Variants in PIK3R6 observed in about 807,000 individuals in gnomAD.
The protein encoded by PIK3R6 is phosphoinositide-3-kinase regulatory subunit 6.
Under a neutral mutation model 84.9 loss-of-function variants are expected in PIK3R6, and 91 were observed. The observed-to-expected ratio is 1.07, with a 90% CI of 0.90 to 1.28. The LOEUF (loss-of-function observed/expected upper bound fraction) is 1.28. Among genes scored for constraint, PIK3R6 ranks in the 50% most tolerant of loss-of-function variants. PIK3R6 has a pLI of 0.00. For missense variants in PIK3R6, 996 were observed against 985.1 expected (o/e 1.01, Z -0.15); for synonymous variants, 416 against 411.4 (o/e 1.01, Z -0.13).
chr17:8,834,265 T>C (rs531756219), intron 8 of PIK3R6, among the ~76,000 whole-genome samples: 10 of 151,130 alleles, frequency 6.6e-5, no homozygotes, highest in Middle Eastern at 3.5e-3. Flanking sequence ...ATGTTAGGCA[T>C]GTGCATGTTG....
intron 10 of PIK3R6, among the ~76,000 whole-genome samples, chr17:8,829,437 C>A (rs945770046): frequency 6.7e-6 from 1 of 148,624 alleles, no homozygotes; most frequent in African/African-American, 2.6e-5. Context: ...CTCATGGATA[C>A]ACACACTGAC....
rs781087968 is a variant in PIK3R6, at chr17:8,823,464, G to C, written c.1549C>G (p.Pro517Ala). ...TAGGTGATGACGTCTAGGATGAAGG[G>C]GTCCACAGTCCGGGATGTGTCCAGG... The part of the protein sequence containing the change: ...PSLDTSRTVD[P>A]FILDVITYYI... The change falls in exon 14 of 20, where the codon CCC becomes GCC. Residue 517 changes from proline to alanine, a missense_variant. Pro to Ala is a conservative substitution (Grantham distance 27). Transcript: ENST00000619866. The C allele has an allele frequency of 6.2e-7, 1 of 1,612,670 alleles. No homozygotes were observed. The highest frequency in any genetic ancestry group is 8.5e-7 in the Non-Finnish European group (1 of 1,179,016).
intron 18 of PIK3R6, among the ~76,000 whole-genome samples, chr17:8,810,087 T>G (rs1484760267): frequency 1.3e-5 from 2 of 151,716 alleles, no homozygotes; most frequent in African/African-American, 4.8e-5. Flanking sequence ...CTGGGAAATT[T>G]ACAAAAGAAA....
intron 1 of PIK3R6, among the ~76,000 whole-genome samples, chr17:8,853,226 C>T (rs2089022170): frequency 6.6e-6 from 1 of 151,842 alleles, no homozygotes; most frequent in Non-Finnish European, 1.5e-5. Flanking sequence ...TAGCTCACGC[C>T]TGTAATCCCA....
Position 8,828,597 on chromosome 17 carries a change from C to G in PIK3R6, c.1283G>C (p.Gly428Ala). 1 of 1,613,158 alleles carries G rather than the reference C, an allele frequency of 6.2e-7. No homozygotes were observed. The highest frequency in any genetic ancestry group is 8.5e-7 in the Non-Finnish European group (1 of 1,179,632). ...VLVLGDDRML[G>A]RLAQAYHRLR... ...TCTGTGGTAGGCCTGGGCCAGGCGC[C>G]CCAGCATCCTGTCATCTCCGAGCAC... Residue 428 changes from glycine to alanine, a missense_variant, in exon 11 of 20, where the codon GGG becomes GCG. Gly to Ala is a moderately conservative substitution (Grantham distance 60, BLOSUM62 0). Coordinates refer to ENST00000619866, the MANE Select transcript of PIK3R6 (RefSeq NM_001010855.4).
chr17:8,834,116 C>T (rs1185089821), intron 8 of PIK3R6, among the ~76,000 whole-genome samples: 2 of 144,578 alleles, frequency 1.4e-5, no homozygotes, highest in East Asian at 4.2e-4. Flanking sequence ...GAGATCACGC[C>T]ACTGCACTCC....
chr17:8,836,534 TG>T lies in PIK3R6; in HGVS notation c.461+12del. The T allele has an allele frequency of 1.2e-6, 2 of 1,613,940 alleles. No homozygotes were observed. Among genetic ancestry groups the T allele is most frequent in the Non-Finnish European group, 1.7e-6 (2 of 1,179,858 alleles). On this transcript the variant is annotated intron_variant, in intron 7 of 19. Coordinates refer to ENST00000619866, the MANE Select transcript of PIK3R6 (RefSeq NM_001010855.4). ...AGGAGGCTGAAGGTAGCAATTTTTCTGGGGCCACTCACCTCTCCTGGTAGGG... is the reference window on the plus strand; with the variant it reads ...AGGAGGCTGAAGGTAGCAATTTTTCTGGGCCACTCACCTCTCCTGGTAGGG...
At chr17:8,836,716 C>T in intron 6 of PIK3R6, 75 bp downstream of exon 6, 1 of 1,610,250 alleles carries the variant, frequency 6.2e-7, no homozygotes, top group Admixed American at 1.7e-5. Flanking sequence ...TCCCCGGTAT[C>T]CTGGAGAAAA....
At chr17:8,846,322 T>C (rs915264468) in intron 2 of PIK3R6, among the ~76,000 whole-genome samples, 5 of 152,334 alleles carry the variant, frequency 3.3e-5, no homozygotes, top group African/African-American at 1.2e-4. Context: ...TGTTTATATG[T>C]CTATTTTTAT....
At chr17:8,822,053 T>A in intron 16 of PIK3R6, 117 bp from the exon 17 acceptor site, 44 of 89,126 alleles carry the variant, frequency 4.9e-4, no homozygotes, top group Non-Finnish European at 8.1e-4. Context: ...TGTGAGAGTC[T>A]TTTTTTTTTT....
Position 8,844,543 on chromosome 17 carries a change from T to C in PIK3R6, c.14-4846A>G, listed in dbSNP as rs181727707. ...ATAGATAAATGGCATCCATTATTAT[T>C]ATCCTCCTCTGCATCCAGGAATGTG... On this transcript the variant is annotated intron_variant, in intron 2 of 19. Transcript: ENST00000619866. The surrounding 1 kb of genome is among the most constrained non-coding windows in gnomAD (Gnocchi z 4.5). Among the ~76,000 whole-genome samples, 417 of 152,338 alleles carry C rather than the reference T, an allele frequency of 2.7e-3. 4 individuals are homozygous for C. Among genetic ancestry groups the C allele is most frequent in the African/African-American group, 9.6e-3 (399 of 41,586 alleles).
At chr17:8,823,362 T>C (rs1162215996) in intron 14 of PIK3R6, 25 bp downstream of exon 14, 1 of 1,527,946 alleles carries the variant, frequency 6.5e-7, no homozygotes, top group South Asian at 1.1e-5. Flanking sequence ...CTGGGGTCCC[T>C]TGGAGCCTCC....
At chr17:8,856,316 T>C (rs1480416256) in intron 1 of PIK3R6, among the ~76,000 whole-genome samples, 1 of 152,132 alleles carries the variant, frequency 6.6e-6, no homozygotes, top group East Asian at 1.9e-4. Flanking sequence ...AAAATCAAGA[T>C]ATTGGTCAGG....
chr17:8,850,559 G>A (rs2088930471), intron 1 of PIK3R6, among the ~76,000 whole-genome samples: 1 of 152,162 alleles, frequency 6.6e-6, no homozygotes, highest in Non-Finnish European at 1.5e-5. Flanking sequence ...TGGCTCTAGA[G>A]CCCTCCCTTA....
chr17:8,825,981 C>T (rs1042226086), intron 13 of PIK3R6, among the ~76,000 whole-genome samples: 1 of 152,206 alleles, frequency 6.6e-6, no homozygotes, highest in Admixed American at 6.5e-5. Flanking sequence ...AGTTCCCTCC[C>T]CACTGCCAGC....
At chr17:8,850,294 C>T (rs1391487220) in intron 1 of PIK3R6, among the ~76,000 whole-genome samples, 1 of 141,178 alleles carries the variant, frequency 7.1e-6, no homozygotes, top group Non-Finnish European at 1.5e-5. Flanking sequence ...AAGGGTGAGA[C>T]TGGCTCAAAA....
At chr17:8,853,660 T>A (rs1416499947) in intron 1 of PIK3R6, among the ~76,000 whole-genome samples, 2 of 151,534 alleles carry the variant, frequency 1.3e-5, no homozygotes, top group South Asian at 4.2e-4. Flanking sequence ...GAAGACCCAG[T>A]ATAGTTAAGA....
chr17:8,827,420 T>C (rs1419458962), intron 12 of PIK3R6, 126 bp from the exon 13 acceptor site: 12 of 1,137,652 alleles, frequency 1.1e-5, no homozygotes, highest in African/African-American at 1.6e-5. Context: ...AATTTCTGCA[T>C]GTGAAGACAC....
At chr17:8,818,637 AGACTCCGTCTT>A (rs2087619396) in intron 18 of PIK3R6, among the ~76,000 whole-genome samples, 1 of 152,170 alleles carries the variant, frequency 6.6e-6, no homozygotes, top group Admixed American at 6.5e-5. Context: ...TGACAGAGTA[AGACTCCGTCTT>A]GAGGAAAAAA....
Sources: gnomAD v4.1 joint callset for allele counts (sites outside exome capture counted in the v4.1 genomes callset) on GRCh38, gnomAD v4.1.1 for gene constraint, Gnocchi (gnomAD v3.1) non-coding constraint, MANE v1.5 for transcripts, NCBI Gene and HGNC (gene_info 2026-07-23, HGNC 2026-07-21) for gene names.